The following SLC30A5 variants were observed in gnomAD, a reference collection of about 807,000 sequenced individuals.
SLC30A5 encodes proton-coupled zinc antiporter SLC30A5.
A neutral mutation model predicts 79.6 loss-of-function variants in SLC30A5; 33 were observed. The observed-to-expected ratio is 0.41, with a 90% CI of 0.31 to 0.55. SLC30A5 has a LOEUF of 0.55. Among genes scored for constraint, SLC30A5 ranks in the 20% least tolerant of loss-of-function variants. The pLI, the probability that SLC30A5 is intolerant of heterozygous loss-of-function variation, is 0.20. For synonymous variants in SLC30A5, 299 were observed against 319.7 expected (o/e 0.94, Z 0.69); for missense variants, 788 against 928.1 (o/e 0.85, Z 1.96).
At chr5:69,099,490 C>T (rs1745846167) in intron 1 of SLC30A5, among the ~76,000 whole-genome samples, 1 of 152,218 alleles carries the variant, frequency 6.6e-6, no homozygotes, top group African/African-American at 2.4e-5. Context: ...ACTCGTGACT[C>T]CTATAGTGGT....
chr5:69,121,802 C>G lies in SLC30A5; in HGVS notation c.1678C>G (p.His560Asp), dbSNP rs1397763725. ...ASQGSCHSSD[H>D]SHSHHMHGHS... ...TCAAGGAAGCTGTCACTCATCTGAT[C>G]ACAGCCATTCACACCATATGCATGG... Residue 560 changes from histidine (H) to aspartate (D), a missense_variant, in exon 13 of 16, where the codon CAC becomes GAC. By Grantham distance (81) the His-to-Asp change is moderately conservative. Coordinates refer to ENST00000396591, the MANE Select transcript of SLC30A5 (RefSeq NM_022902.5). 1.2e-6 allele frequency: 2 copies of G among 1,612,432 alleles called. No individual in the cohort carries two copies. Among genetic ancestry groups the G allele is most frequent in the Admixed American group, 1.7e-5 (1 of 59,826 alleles).
intron 14 of SLC30A5, among the ~76,000 whole-genome samples, chr5:69,127,368 C>G (rs955299061): frequency 1.3e-5 from 2 of 151,286 alleles, no homozygotes; most frequent in African/African-American, 4.9e-5. Flanking sequence ...GTGGTCCACA[C>G]CTATAATCCT....
At chr5:69,107,018 C>T (rs569634676) in intron 4 of SLC30A5, among the ~76,000 whole-genome samples, 1 of 152,178 alleles carries the variant, frequency 6.6e-6, no homozygotes, top group South Asian at 2.1e-4. Flanking sequence ...GTGCCTACCA[C>T]CACACCTGGC....
chr5:69,117,441 C>T, intron 11 of SLC30A5, 45 bp downstream of exon 11: 1 of 1,501,896 alleles, frequency 6.7e-7, no homozygotes, highest in Non-Finnish European at 9.2e-7. Context: ...AGTGCAAATT[C>T]CATCTTAAGG....
intron 12 of SLC30A5, 40 bp downstream of exon 12, chr5:69,118,668 C>T (rs1746451937): frequency 6.6e-7 from 1 of 1,504,920 alleles, no homozygotes; most frequent in South Asian, 1.3e-5. Context: ...TCTAGTCATA[C>T]TTACATAGTT....
intron 7 of SLC30A5, 101 bp from the exon 8 acceptor site, chr5:69,115,134 GGA>G: frequency 3.0e-6 from 2 of 659,948 alleles, no homozygotes; most frequent in Admixed American, 3.3e-5. Context: ...CTGTCTCTGG[GGA>G]AAAAAAAAAA....
In SLC30A5 at chr5:69,115,926, A is replaced by C. The variant is rs747128212; in HGVS notation, c.784A>C (p.Ser262Arg). 10 of 1,597,842 alleles carry C rather than the reference A, an allele frequency of 6.3e-6. No homozygotes were observed. The highest frequency in any genetic ancestry group is 7.7e-6 in the Non-Finnish European group (9 of 1,172,890). Reference sequence around the variant, plus strand: ...GACAATTCTTTTTTTTAATTTCTAGAGTAAAGTGGAGTCTTGGTTTTCTCT... The same window carrying C: ...GACAATTCTTTTTTTTAATTTCTAGCGTAAAGTGGAGTCTTGGTTTTCTCT... ...WVIVLSVTTE[S>R]KVESWFSLIM... Residue 262 changes from serine (S) to arginine (R), a missense_variant and splice_region_variant, in exon 9 of 16, where the codon AGT (serine) becomes CGT (arginine). This residue lies in a region of SLC30A5 where 626 missense variants were observed against 755.5 expected (regional missense o/e 0.83). Transcript: ENST00000396591.
At chr5:69,122,243 A>G (rs1488187069) in intron 13 of SLC30A5, among the ~76,000 whole-genome samples, 2 of 152,180 alleles carry the variant, frequency 1.3e-5, no homozygotes, top group East Asian at 1.9e-4. Flanking sequence ...CTAAAAATAC[A>G]AAAATTAGCC....
intron 3 of SLC30A5, among the ~76,000 whole-genome samples, chr5:69,103,643 T>C (rs1290983987): frequency 2.6e-5 from 4 of 152,210 alleles, no homozygotes. Context: ...GAATTAATAC[T>C]TATGAAGTTC....
chr5:69,103,845 T>A (rs1216110395), intron 3 of SLC30A5: 8 of 786,280 alleles, frequency 1.0e-5, no homozygotes, highest in Admixed American at 6.6e-5. Context: ...CAAACCTGCG[T>A]CATAATTTTT....
chr5:69,125,870 CAAAAAAAAAA>C (rs532994254), intron 14 of SLC30A5, among the ~76,000 whole-genome samples: 4 of 54,232 alleles, frequency 7.4e-5, no homozygotes, highest in African/African-American at 2.7e-4. Flanking sequence ...GACTCCGTCT[CAAAAAAAAAA>C]AAAAAAAAAA....
At chr5:69,109,296 T>C (rs986956826) in intron 5 of SLC30A5, among the ~76,000 whole-genome samples, 1 of 151,850 alleles carries the variant, frequency 6.6e-6, no homozygotes, top group African/African-American at 2.4e-5. Flanking sequence ...TCAAAACATC[T>C]CGTATACCCC....
Position 69,128,663 on chromosome 5 carries a change from T to A in SLC30A5, c.2127+531T>A, listed in dbSNP as rs572841846. Among the ~76,000 whole-genome samples the A allele has an allele frequency of 7.9e-4, 120 of 152,344 alleles. No individual in the cohort carries two copies. In the Middle Eastern group the frequency reaches 0.014, roughly 17 times the overall value. ...TAAATGAAGTTTTGTGTTTAGAGGA[T>A]AAGCTTTAATTAATATAAAAAAATT... On this transcript the variant is annotated intron_variant, in intron 15 of 15. Coordinates refer to ENST00000396591, the MANE Select transcript of SLC30A5 (RefSeq NM_022902.5).
Position 69,097,109 on chromosome 5 carries a change from C to CTTTTTTTTT in SLC30A5, c.83+2787_83+2795dup, listed in dbSNP as rs1228027917. ...TTGTTTCTTCCCTTCCTCTCTTTTTCTTTTTTTTTTTTTTTTTTTTTTTTG... is the reference window on the plus strand; with the variant it reads ...TTGTTTCTTCCCTTCCTCTCTTTTTCTTTTTTTTTTTTTTTTTTTTTTTTTTTTTTTTTG... On this transcript the variant is annotated intron_variant, in intron 1 of 15. Transcript: ENST00000396591. 2.8e-3 allele frequency among the ~76,000 whole-genome samples: 250 copies of CTTTTTTTTT among 87,944 alleles called. 1 individual carries two copies. Among genetic ancestry groups the CTTTTTTTTT allele is most frequent in the African/African-American group, 4.9e-3 (102 of 20,868 alleles). 57.7% of individuals were successfully genotyped at this position (87,944 alleles called of 152,430 possible).
rs554339882 is a variant in SLC30A5, at chr5:69,120,329, AGCCGAGATCAT to A, written c.1570-1361_1570-1351del. Among the ~76,000 whole-genome samples, 123 of 152,056 alleles carry A rather than the reference AGCCGAGATCAT, an allele frequency of 8.1e-4. No homozygotes were observed. The Middle Eastern group carries it at 0.014, about 17-fold the overall frequency. On this transcript the variant is annotated intron_variant, in intron 12 of 15. Transcript: ENST00000396591. ...AACCTGGGAGGCAGAGGTTGCAATA[AGCCGAGATCAT>A]GCCACTGCACTCCAGCCTGGTTGAC... is the stretch of plus-strand genomic sequence containing the variant.
At chr5:69,096,673 C>T (rs111530482) in intron 1 of SLC30A5, among the ~76,000 whole-genome samples, 7 of 152,254 alleles carry the variant, frequency 4.6e-5, no homozygotes, top group Admixed American at 4.6e-4. Context: ...AAGGACCCTT[C>T]TGGAAAACTT....
intron 5 of SLC30A5, among the ~76,000 whole-genome samples, chr5:69,110,929 G>A (rs1746212838): frequency 6.6e-6 from 1 of 151,642 alleles, no homozygotes; most frequent in African/African-American, 2.4e-5. Flanking sequence ...GTAACTAGAA[G>A]TGAGAGTGTT....
chr5:69,110,936 T>C (rs1217544417), intron 5 of SLC30A5, among the ~76,000 whole-genome samples: 1 of 151,794 alleles, frequency 6.6e-6, no homozygotes, highest in Non-Finnish European at 1.5e-5. Flanking sequence ...GAAGTGAGAG[T>C]GTTCTCATTA....
intron 8 of SLC30A5, among the ~76,000 whole-genome samples, chr5:69,115,627 T>C (rs1323501759): frequency 6.6e-6 from 1 of 152,206 alleles, no homozygotes; most frequent in Admixed American, 6.5e-5. Flanking sequence ...TACATATCCC[T>C]CACATTGCTA....
Sources: allele counts gnomAD v4.1 joint callset (sites outside exome capture counted in the v4.1 genomes callset), GRCh38; gene constraint gnomAD v4.1.1; regional missense constraint gnomAD v4.1.1; transcripts MANE v1.5; gene names NCBI Gene and HGNC (gene_info 2026-07-23, HGNC 2026-07-21).